Variants in CEPT1 observed in about 807,000 individuals in gnomAD.
CEPT1 encodes choline/ethanolamine phosphotransferase 1.
In CEPT1, 7 loss-of-function variants were observed where a neutral mutation model predicts 42.6. The observed-to-expected ratio is 0.16, with a 90% CI of 0.09 to 0.31. The LOEUF (loss-of-function observed/expected upper bound fraction) is 0.31. CEPT1 is among the 10% of genes least tolerant of loss of function. CEPT1 has a pLI of 1.00. For missense variants in CEPT1, 306 were observed against 502.1 expected (o/e 0.61, Z 3.73); for synonymous variants, 171 against 171.9 (o/e 0.99, Z 0.04).
Position 111,140,275 on chromosome 1 carries a change from G to C in CEPT1, c.-106G>C, listed in dbSNP as rs1654354849. Reference sequence around the variant, plus strand: ...CACCCAGTCGGCTGGAGTCGGAGGCGATATTTCTAGGGGTGTACTTGTTGG... The same window carrying C: ...CACCCAGTCGGCTGGAGTCGGAGGCCATATTTCTAGGGGTGTACTTGTTGG... On this transcript the variant is annotated 5_prime_UTR_variant, in exon 1 of 9. Transcript: ENST00000357172. 1 of 152,426 alleles carries C rather than the reference G, an allele frequency of 6.6e-6. No homozygotes were observed. Among genetic ancestry groups the C allele is most frequent in the Non-Finnish European group, 1.5e-5 (1 of 68,202 alleles). The allele number at this position is 152,426 out of a possible 1,614,324, so 9.4% of individuals were successfully genotyped here.
intron 5 of CEPT1, chr1:111,180,800 C>T (rs1013231866): frequency 6.6e-6 from 1 of 152,166 alleles, no homozygotes; most frequent in Non-Finnish European, 1.5e-5. Context: ...GGAAGTGCCA[C>T]ATTTGCTATT....
intron 4 of CEPT1, among the ~76,000 whole-genome samples, chr1:111,170,324 G>A (rs1162752294): frequency 6.6e-6 from 1 of 152,024 alleles, no homozygotes. Flanking sequence ...TATTCAATGG[G>A]CTTTTTCTTT....
intron 4 of CEPT1, among the ~76,000 whole-genome samples, chr1:111,166,781 T>C (rs377229534): frequency 6.6e-5 from 10 of 152,318 alleles, no homozygotes; most frequent in African/African-American, 2.4e-4. Flanking sequence ...AGTGTAATTA[T>C]TTGGCAAGTA....
At chr1:111,160,970 AGAG>A (rs1655840949) in intron 3 of CEPT1, 182 bp from the exon 4 acceptor site, 1 of 596,602 alleles carries the variant, frequency 1.7e-6, no homozygotes, top group Non-Finnish European at 2.8e-6. Context: ...AAAAAAAAAA[AGAG>A]AGATTGAAAT....
Position 111,159,544 on chromosome 1 carries a change from T to C in CEPT1, c.487+17T>C. 6.3e-7 allele frequency: 1 copy of C among 1,599,170 alleles called. No homozygotes were observed. The highest frequency in any genetic ancestry group is 1.1e-5 in the South Asian group (1 of 88,448). On this transcript the variant is annotated intron_variant, in intron 3 of 8. Coordinates refer to ENST00000357172, the MANE Select transcript of CEPT1 (RefSeq NM_006090.5). The stretch of plus-strand genomic sequence containing the variant: ...TATCAACAGGTATTGTTGATTTTTT[T>C]AATGTTATTGATTATTAACAATGGT...
chr1:111,161,297 G>A lies in CEPT1; in HGVS notation c.629+1G>A. On this transcript the variant is annotated splice_donor_variant, in intron 4 of 8. Transcript: ENST00000357172. LOFTEE classifies it high-confidence loss of function. ...TTTCTGGAACATTGCGATTTGGAAT[G>A]TAAGTAATACTTAATGGTAATTTTT... 6.2e-7 allele frequency: 1 copy of A among 1,606,836 alleles called. No individual in the cohort carries two copies. The highest frequency in any genetic ancestry group is 8.5e-7 in the Non-Finnish European group (1 of 1,177,378).
chr1:111,167,787 C>G, intron 4 of CEPT1: 1 of 914,880 alleles, frequency 1.1e-6, no homozygotes, highest in African/African-American at 1.8e-5. Context: ...CTTAGCTTTT[C>G]ATGTTACTAT....
At chr1:111,178,502 TA>T (rs1473277699) in intron 5 of CEPT1, 1 of 151,962 alleles carries the variant, frequency 6.6e-6, no homozygotes, top group Non-Finnish European at 1.5e-5. Flanking sequence ...TCTTCATGCA[TA>T]AAAGTCAGTG....
intron 4 of CEPT1, among the ~76,000 whole-genome samples, chr1:111,161,791 C>A (rs1655889243): frequency 6.6e-6 from 1 of 152,164 alleles, no homozygotes; most frequent in Non-Finnish European, 1.5e-5. Flanking sequence ...CTTTCAATAC[C>A]TATTTTGAAA....
intron 2 of CEPT1, among the ~76,000 whole-genome samples, chr1:111,151,228 G>A (rs1655258079): frequency 1.3e-5 from 2 of 151,520 alleles, no homozygotes; most frequent in African/African-American, 4.9e-5. Flanking sequence ...TGGTTCAAGC[G>A]ATTTCTCCTG....
chr1:111,167,447 CTAT>C (rs1470984690), intron 4 of CEPT1: 2 of 877,956 alleles, frequency 2.3e-6, no homozygotes, highest in Non-Finnish European at 2.7e-6. Flanking sequence ...CCTATTGTGC[CTAT>C]TATTTTTATT....
intron 2 of CEPT1, among the ~76,000 whole-genome samples, chr1:111,153,107 A>G (rs1371703239): frequency 6.6e-6 from 1 of 151,922 alleles, no homozygotes; most frequent in East Asian, 1.9e-4. Flanking sequence ...CTGTTAAACA[A>G]CCTGTCCCTA....
intron 2 of CEPT1, among the ~76,000 whole-genome samples, chr1:111,151,159 T>A (rs887759599): frequency 2.0e-5 from 3 of 148,466 alleles, no homozygotes; most frequent in African/African-American, 7.5e-5. Context: ...GGAGTCTCGC[T>A]CTGTTGCCAG....
chr1:111,178,776 A>G, intron 5 of CEPT1: 1 of 152,210 alleles, frequency 6.6e-6, no homozygotes, highest in Non-Finnish European at 1.5e-5. Context: ...TAAGGCAACT[A>G]GGTGAGTGTT....
intron 4 of CEPT1, among the ~76,000 whole-genome samples, chr1:111,163,898 AAGC>A (rs1255262643): frequency 2.6e-5 from 4 of 152,204 alleles, no homozygotes; most frequent in Non-Finnish European, 5.9e-5. Context: ...AAAAAAGTGA[AAGC>A]AGATTTAAGT....
At chr1:111,156,791 A>G (rs543036891) in intron 2 of CEPT1, among the ~76,000 whole-genome samples, 1 of 152,284 alleles carries the variant, frequency 6.6e-6, no homozygotes, top group African/African-American at 2.4e-5. Context: ...GCATGTATAT[A>G]TATATTTGTA....
At chr1:111,184,165 G>A (rs1426550094) in intron 8 of CEPT1, 26 bp from the exon 9 acceptor site, 3 of 1,611,796 alleles carry the variant, frequency 1.9e-6, no homozygotes, top group Non-Finnish European at 2.5e-6. Flanking sequence ...CTAAACGGGT[G>A]CTGAGAATGT....
intron 1 of CEPT1, among the ~76,000 whole-genome samples, chr1:111,145,613 T>G (rs1402611981): frequency 6.6e-6 from 1 of 152,246 alleles, no homozygotes; most frequent in African/African-American, 2.4e-5. Context: ...TCCATGTGGT[T>G]ACTCATGAGC....
At chr1:111,183,672 A>G (rs766269859) in intron 8 of CEPT1, 85 bp downstream of exon 8, 1 of 1,294,460 alleles carries the variant, frequency 7.7e-7, no homozygotes, top group Non-Finnish European at 1.1e-6. Flanking sequence ...GTCATGAAAG[A>G]TCGTTCATAT....
Sources: gnomAD v4.1 joint callset for allele counts (sites outside exome capture counted in the v4.1 genomes callset) on GRCh38, gnomAD v4.1.1 for gene constraint, MANE v1.5 for transcripts, NCBI Gene and HGNC (gene_info 2026-07-23, HGNC 2026-07-21) for gene names.